Variants in SPATA1 observed in about 807,000 individuals in gnomAD.
The protein encoded by SPATA1 is spermatogenesis associated 1, also known as spermatogenesis-associated protein 1.
In SPATA1, 57 loss-of-function variants were observed where a neutral mutation model predicts 59.6. The observed-to-expected ratio is 0.96, with a 90% CI of 0.77 to 1.19. SPATA1 has a LOEUF of 1.19. Among genes scored for constraint, SPATA1 ranks in the 50% most tolerant of loss-of-function variants. The pLI, the probability that SPATA1 is intolerant of heterozygous loss-of-function variation, is 0.00. For synonymous variants in SPATA1, 147 were observed against 163.9 expected, an observed-to-expected ratio of 0.90 and a Z score of 0.79; for missense variants, 448 against 480.7, an observed-to-expected ratio of 0.93 and a Z score of 0.64.
intron 8 of SPATA1, among the ~76,000 whole-genome samples, chr1:84,534,571 G>C (rs1329381258): frequency 2.0e-5 from 3 of 151,968 alleles, no homozygotes; most frequent in Non-Finnish European, 1.5e-5. Context: ...AAATAGTGTA[G>C]ACTGGCTTCA....
exon 12 of SPATA1, chr1:84,550,459 G>A: frequency 1.3e-6 from 2 of 1,561,506 alleles, no homozygotes; most frequent in Non-Finnish European, 8.7e-7. Context: ...GATCACTGAG[G>A]TACAGCATGC....
chr1:84,552,969 A>T, intron 12 of SPATA1: 2 of 1,086,026 alleles, frequency 1.8e-6, no homozygotes, highest in Non-Finnish European at 2.6e-6. Context: ...TGTTTACATG[A>T]CAACTATGAT....
intron 1 of SPATA1, among the ~76,000 whole-genome samples, chr1:84,508,268 G>A (rs943166550): frequency 3.3e-5 from 5 of 150,366 alleles, no homozygotes; most frequent in Non-Finnish European, 7.4e-5. Flanking sequence ...TGGCGACAGA[G>A]TGAGACTCCG....
chr1:84,533,730 A>G (rs1683563614), exon 8 of SPATA1: 3 of 1,565,800 alleles, frequency 1.9e-6, no homozygotes, highest in Non-Finnish European at 2.6e-6. Flanking sequence ...GGGAAAATGA[A>G]GATGATACAG....
chr1:84,536,198 A>G (rs182242452), intron 8 of SPATA1, among the ~76,000 whole-genome samples: 2 of 152,372 alleles, frequency 1.3e-5, no homozygotes, highest in Non-Finnish European at 2.9e-5. Flanking sequence ...ATGAAAGAAT[A>G]TAACTTTAAA....
chr1:84,542,195 C>A (rs1003162323), intron 8 of SPATA1, among the ~76,000 whole-genome samples: 18 of 152,126 alleles, frequency 1.2e-4, no homozygotes, highest in African/African-American at 4.3e-4. Context: ...AACTCCTGAC[C>A]TCAGGTGATC....
intron 6 of SPATA1, among the ~76,000 whole-genome samples, chr1:84,531,897 GCTCA>G (rs546508753): frequency 6.6e-6 from 1 of 151,872 alleles, no homozygotes; most frequent in Non-Finnish European, 1.5e-5. Context: ...TATTAATTTG[GCTCA>G]CTTATTCTTT....
intron 2 of SPATA1, among the ~76,000 whole-genome samples, chr1:84,516,990 A>G (rs1016950110): frequency 1.3e-5 from 2 of 151,876 alleles, no homozygotes; most frequent in Non-Finnish European, 2.9e-5. Flanking sequence ...CAGACCCCCA[A>G]TACCTTCTCT....
At chr1:84,550,616 T>C in intron 12 of SPATA1, 86 bp downstream of exon 12, 1 of 1,364,516 alleles carries the variant, frequency 7.3e-7, no homozygotes, top group Non-Finnish European at 9.5e-7. Context: ...GTGTCAATAA[T>C]ATAAGGGTAG....
chr1:84,529,735 C>T (rs1683386153), intron 6 of SPATA1, among the ~76,000 whole-genome samples: 1 of 151,882 alleles, frequency 6.6e-6, no homozygotes, highest in Non-Finnish European at 1.5e-5. Context: ...TGCCACCACA[C>T]CCAGCTAATT....
chr1:84,565,966 C>T (rs1684692233), exon 5 of SPATA1: 1 of 1,590,318 alleles, frequency 6.3e-7, no homozygotes. Flanking sequence ...ATAATTATAG[C>T]ATCTTCTGTC....
In SPATA1 at chr1:84,516,247, TC is replaced by T. The variant is rs1465241201; in HGVS notation, c.-112del. On this transcript the variant is annotated 5_prime_UTR_variant, in exon 2 of 13. It removes the in-frame stop codon of an upstream open reading frame in the 5' UTR. Transcript: ENST00000490879. Reference sequence around the variant, plus strand: ...GAGACCAGAAATGAGTGGAATGCTATCTTAAGCCAAAAAAAACTATTATAAT... The same window carrying T: ...GAGACCAGAAATGAGTGGAATGCTATTTAAGCCAAAAAAAACTATTATAAT... 9.5e-6 allele frequency: 9 copies of T among 951,936 alleles called. No homozygotes were observed. The highest frequency in any genetic ancestry group is 1.2e-5 in the Non-Finnish European group (8 of 666,658). 59.0% of individuals were successfully genotyped at this position (951,936 alleles called of 1,614,324 possible). A position where few individuals can be genotyped will look rare whatever the true frequency, so the allele number is the denominator to read the frequency against.
chr1:84,551,599 T>TACTG (rs1366582065), intron 12 of SPATA1: 1 of 152,172 alleles, frequency 6.6e-6, no homozygotes, highest in Non-Finnish European at 1.5e-5. Flanking sequence ...GCTTCTACTA[T>TACTG]ACTGGACAGT....
At chr1:84,516,710 T>C (rs765246842) in intron 2 of SPATA1, among the ~76,000 whole-genome samples, 10 of 152,214 alleles carry the variant, frequency 6.6e-5, no homozygotes, top group Admixed American at 1.3e-4. Context: ...CCTTTGCACA[T>C]ATTTTTGACT....
At chr1:84,560,569 G>A (rs1558625938) in intron 4 of SPATA1, among the ~76,000 whole-genome samples, 1 of 152,220 alleles carries the variant, frequency 6.6e-6, no homozygotes, top group South Asian at 2.1e-4. Flanking sequence ...TTAAAAGGCA[G>A]AGACCCCTTT....
chr1:84,556,434 C>T (rs934465575), downstream of SPATA1, among the ~76,000 whole-genome samples: 6 of 151,988 alleles, frequency 3.9e-5, no homozygotes, highest in African/African-American at 9.7e-5. Flanking sequence ...ACTTTGGGGC[C>T]GGGCACGGTG....
At chr1:84,508,102 A>G (rs1682357320) in intron 1 of SPATA1, among the ~76,000 whole-genome samples, 1 of 152,132 alleles carries the variant, frequency 6.6e-6, no homozygotes, top group Non-Finnish European at 1.5e-5. Flanking sequence ...CAACGTGGGG[A>G]AACCGTCTCT....
intron 1 of SPATA1, among the ~76,000 whole-genome samples, chr1:84,509,742 G>C (rs774823091): frequency 7.9e-5 from 12 of 152,168 alleles, no homozygotes; most frequent in Non-Finnish European, 1.6e-4. Flanking sequence ...CTCCAGCCGG[G>C]GTGACAGAGT....
At chr1:84,567,036 G>C (rs985022952), downstream of SPATA1, among the ~76,000 whole-genome samples, 1 of 152,162 alleles carries the variant, frequency 6.6e-6, no homozygotes, top group Admixed American at 6.5e-5. Flanking sequence ...ATGTACAAAT[G>C]TTCTAAAACT....
Sources: allele counts gnomAD v4.1 joint callset (sites outside exome capture counted in the v4.1 genomes callset), GRCh38; gene constraint gnomAD v4.1.1; transcripts MANE v1.5; gene names NCBI Gene and HGNC (gene_info 2026-07-23, HGNC 2026-07-21).